Variants in MCC observed in about 807,000 individuals in gnomAD.
The protein encoded by MCC is colorectal mutant cancer protein.
Under a neutral mutation model 116.2 loss-of-function variants are expected in MCC, and 90 were observed. That is an observed-to-expected ratio of 0.77 (90% confidence interval 0.65 to 0.92). MCC has a LOEUF of 0.92. Ranked by LOEUF, MCC falls within the 40% of genes least tolerant of loss-of-function variation. The pLI is 0.00. For synonymous variants in MCC, 578 were observed against 510.5 expected (o/e 1.13, Z -1.78); for missense variants, 1,516 against 1,312.2 (o/e 1.16, Z -2.40).
chr5:113,097,608 C>T (rs1243239296), intron 8 of MCC, among the ~76,000 whole-genome samples: 2 of 152,048 alleles, frequency 1.3e-5, no homozygotes, highest in East Asian at 3.8e-4. Flanking sequence ...AAAGCAACAC[C>T]AAGGGGAGGT....
intron 8 of MCC, among the ~76,000 whole-genome samples, chr5:113,100,852 T>C (rs140353764): frequency 6.6e-6 from 1 of 152,260 alleles, no homozygotes; most frequent in African/African-American, 2.4e-5. Flanking sequence ...GCTTCTAATA[T>C]TGCCAAGACC....
At chr5:113,113,179 A>C (rs1169501864) in intron 6 of MCC, among the ~76,000 whole-genome samples, 1 of 152,232 alleles carries the variant, frequency 6.6e-6, no homozygotes, top group African/African-American at 2.4e-5. Context: ...AAAGACCTAC[A>C]GATTCTTTCA....
At chr5:113,267,824 T>C (rs1020072231) in intron 3 of MCC, among the ~76,000 whole-genome samples, 4 of 152,216 alleles carry the variant, frequency 2.6e-5, no homozygotes, top group Non-Finnish European at 5.9e-5. Flanking sequence ...AACCACGGAA[T>C]TGTATACCTT....
intron 3 of MCC, among the ~76,000 whole-genome samples, chr5:113,196,285 A>G (rs1259400738): frequency 6.6e-6 from 1 of 152,126 alleles, no homozygotes; most frequent in Non-Finnish European, 1.5e-5. Flanking sequence ...GGCTCTCATG[A>G]CCTGGGTCAC....
intron 3 of MCC, among the ~76,000 whole-genome samples, chr5:113,202,416 G>A (rs1285898006): frequency 2.0e-5 from 3 of 152,076 alleles, no homozygotes; most frequent in South Asian, 4.2e-4. Flanking sequence ...GGGTAGCTCC[G>A]ACACTGGGTT....
At chr5:113,099,512 G>A (rs775887716) in intron 8 of MCC, among the ~76,000 whole-genome samples, 36 of 152,208 alleles carry the variant, frequency 2.4e-4, no homozygotes, top group African/African-American at 5.1e-4. Flanking sequence ...CATTTACTAC[G>A]TGCCAGACAT....
intron 1 of MCC, chr5:113,433,660 T>C: frequency 6.7e-7 from 1 of 1,503,548 alleles, no homozygotes; most frequent in Non-Finnish European, 8.9e-7. Context: ...CTTCCTTCTC[T>C]GGCTCCACCC....
chr5:113,040,026 A>T (rs1751592272), intron 17 of MCC, among the ~76,000 whole-genome samples: 1 of 151,592 alleles, frequency 6.6e-6, no homozygotes, highest in Non-Finnish European at 1.5e-5. Flanking sequence ...AGAAAACAAA[A>T]TACCCTGTTA....
At chr5:113,244,041 A>C (rs986483224) in intron 3 of MCC, among the ~76,000 whole-genome samples, 1 of 152,224 alleles carries the variant, frequency 6.6e-6, no homozygotes, top group Non-Finnish European at 1.5e-5. Context: ...TCTACACTGC[A>C]GGCAAAGTCA....
chr5:113,247,436 A>T (rs1486662111), intron 3 of MCC, among the ~76,000 whole-genome samples: 1 of 152,218 alleles, frequency 6.6e-6, no homozygotes, highest in Non-Finnish European at 1.5e-5. Context: ...AAGCAGGAAA[A>T]CTACAGAATG....
chr5:113,379,389 T>C (rs1769060669), intron 2 of MCC, among the ~76,000 whole-genome samples: 1 of 152,228 alleles, frequency 6.6e-6, no homozygotes, highest in African/African-American at 2.4e-5. Context: ...ACCTGTGATA[T>C]TTTAAGCTCT....
At chr5:113,441,584 T>C (rs2150415755) in intron 1 of MCC, among the ~76,000 whole-genome samples, 1 of 152,282 alleles carries the variant, frequency 6.6e-6, no homozygotes, top group Admixed American at 6.5e-5. Context: ...ACCTGTGCCA[T>C]GGTGGTTTGC....
intron 1 of MCC, chr5:113,433,933 C>T (rs2150412328): frequency 1.2e-6 from 2 of 1,614,028 alleles, no homozygotes. Flanking sequence ...TTGTCAGAGC[C>T]AGGTTCGGGG....
In MCC at chr5:113,232,529, G is replaced by C. The variant is rs73778992; in HGVS notation, c.628-81107C>G. ...CTGAATTCGCACGCCCAAAAAAGCT[G>C]AGATCAGAGACTCTGTCAGTTTACT... On this transcript the variant is annotated intron_variant, in intron 3 of 18. Coordinates refer to ENST00000408903, the MANE Select transcript of MCC (RefSeq NM_001085377.2). 6.3e-3 allele frequency among the ~76,000 whole-genome samples: 965 copies of C among 152,196 alleles called. 11 individuals carry two copies. Among genetic ancestry groups the C allele is most frequent in the African/African-American group, 0.022 (929 of 41,524 alleles).
At chr5:113,261,190 C>T (rs1765207086) in intron 3 of MCC, among the ~76,000 whole-genome samples, 1 of 152,160 alleles carries the variant, frequency 6.6e-6, no homozygotes. Context: ...GTGCTCAAAA[C>T]ACTTGCACTA....
intron 8 of MCC, among the ~76,000 whole-genome samples, chr5:113,093,505 G>C (rs938154781): frequency 6.6e-6 from 1 of 151,440 alleles, no homozygotes; most frequent in Non-Finnish European, 1.5e-5. Context: ...CAATCCAAAA[G>C]AAAGTAAATG....
chr5:113,102,015 C>A, intron 7 of MCC, 70 bp from the exon 8 acceptor site: 2 of 1,467,018 alleles, frequency 1.4e-6, no homozygotes, highest in Non-Finnish European at 1.9e-6. Flanking sequence ...AGAAAATAGG[C>A]TGAACAGGAA....
chr5:113,161,586 TTTTG>T (rs1296929358), intron 3 of MCC, among the ~76,000 whole-genome samples: 1 of 151,946 alleles, frequency 6.6e-6, no homozygotes, highest in Non-Finnish European at 1.5e-5. Context: ...GGACAATACT[TTTTG>T]TTTGGGAAAG....
intron 3 of MCC, among the ~76,000 whole-genome samples, chr5:113,201,767 G>A (rs1333172721): frequency 1.3e-5 from 2 of 152,144 alleles, no homozygotes; most frequent in Non-Finnish European, 2.9e-5. Context: ...AAGACAACAT[G>A]CCTTTCTCCT....
Sources: gnomAD v4.1 joint callset for allele counts (sites outside exome capture counted in the v4.1 genomes callset) on GRCh38, gnomAD v4.1.1 for gene constraint, MANE v1.5 for transcripts, NCBI Gene and HGNC (gene_info 2026-07-23, HGNC 2026-07-21) for gene names.